Variants in TRIM14 observed in about 807,000 individuals in gnomAD.
TRIM14 encodes the protein tripartite motif containing 14, also known as tripartite motif-containing protein 14.
TRIM14 carries 28 observed loss-of-function variants against 44.5 expected under a neutral mutation model. The observed-to-expected ratio is 0.63, with a 90% CI of 0.47 to 0.86. The LOEUF (loss-of-function observed/expected upper bound fraction) is 0.86, where lower values mean the gene tolerates loss of function less well. TRIM14 is among the 40% of genes least tolerant of loss of function. The pLI is 0.00. For missense variants in TRIM14, 607 were observed against 611.1 expected (o/e 0.99, Z 0.07); for synonymous variants, 299 against 269.2 (o/e 1.11, Z -1.08).
chr9:98,088,113 A>C, intron 5 of TRIM14, 108 bp from the exon 6 acceptor site: 1 of 1,269,646 alleles, frequency 7.9e-7, no homozygotes. Flanking sequence ...GAAGCGCGGA[A>C]ATGGCCCAAG....
In TRIM14 at chr9:98,094,903, T is replaced by A; in HGVS notation, c.664A>T (p.Thr222Ser). 1 of 1,614,190 alleles carries A rather than the reference T, an allele frequency of 6.2e-7. No individual in the cohort carries two copies. Among genetic ancestry groups the A allele is most frequent in the Non-Finnish European group, 8.5e-7 (1 of 1,180,022 alleles). The change falls in exon 4 of 6, where the codon ACA becomes TCA. Residue 222 changes from threonine (T) to serine (S), a missense_variant. Thr to Ser is a moderately conservative substitution (Grantham distance 58, BLOSUM62 1). Coordinates refer to ENST00000341469, the MANE Select transcript of TRIM14 (RefSeq NM_014788.4). ...CGAATGTCCAATGGCGTCTGTAATG[T>A]ACTCTCCACGGCTTCCACGAGGCCC... ...FKGLVEAVES[T>S]LQTPLDIRLK...
the TRIM14 span, among the ~76,000 whole-genome samples, chr9:98,047,010 T>G: frequency 2.6e-5 from 4 of 152,266 alleles, no homozygotes; most frequent in South Asian, 8.3e-4. Context: ...TGATTCAGTA[T>G]CACTGCAATG....
At chr9:98,108,806 C>T (rs1826723145) in intron 2 of TRIM14, among the ~76,000 whole-genome samples, 1 of 151,172 alleles carries the variant, frequency 6.6e-6, no homozygotes, top group South Asian at 2.1e-4. Context: ...GGCCTGGTCA[C>T]AGGAGAAACT....
chr9:98,043,012 GA>G, the TRIM14 span, among the ~76,000 whole-genome samples: 1 of 152,052 alleles, frequency 6.6e-6, no homozygotes, highest in Non-Finnish European at 1.5e-5. Context: ...TTTTAGTAGT[GA>G]AACATTGTGT....
chr9:98,057,073 T>C, the TRIM14 span: 2 of 1,222,968 alleles, frequency 1.6e-6, no homozygotes, highest in Non-Finnish European at 2.2e-6. Flanking sequence ...CAGTTCCGTT[T>C]TCGGAATCCT....
At chr9:98,064,546 G>A (rs796316745), downstream of TRIM14, among the ~76,000 whole-genome samples, 9 of 152,152 alleles carry the variant, frequency 5.9e-5, no homozygotes, top group African/African-American at 1.9e-4. Context: ...GTAAGCCACC[G>A]CACCCGCCCT....
At chr9:98,051,440 A>G in the TRIM14 span, among the ~76,000 whole-genome samples, 1 of 152,206 alleles carries the variant, frequency 6.6e-6, no homozygotes, top group Non-Finnish European at 1.5e-5. Flanking sequence ...GCCAGTAAGT[A>G]ATCTAGAGCA....
In TRIM14 at chr9:98,087,491, G is replaced by A; in HGVS notation, c.1308C>T (p.Ile436=). Reference sequence around the variant, plus strand: ...GCCCCTAGGGCAGCCGGGGGATGCTGATGGCCCCCTCCCAGAGCCGCAGGG... The same window carrying A: ...GCCCCTAGGGCAGCCGGGGGATGCTAATGGCCCCCTCCCAGAGCCGCAGGG... ...YPALRLWEGA[I]SIPRLP is the part of the protein sequence containing the mutation. The change falls in exon 6 of 6, where the codon ATC becomes ATT. Residue 436 remains isoleucine, a synonymous_variant. Transcript: ENST00000341469. 1.9e-6 allele frequency: 3 copies of A among 1,602,602 alleles called. No individual in the cohort carries two copies. The highest frequency in any genetic ancestry group is 2.6e-6 in the Non-Finnish European group (3 of 1,174,330).
intron 2 of TRIM14, among the ~76,000 whole-genome samples, chr9:98,105,434 C>G (rs1237948827): frequency 1.3e-5 from 2 of 152,160 alleles, no homozygotes; most frequent in Admixed American, 6.5e-5. Flanking sequence ...CAAAAATTAG[C>G]CAGGCACGGT....
At chr9:98,099,869 A>C in intron 3 of TRIM14, 62 bp downstream of exon 3, 1 of 1,467,822 alleles carries the variant, frequency 6.8e-7, no homozygotes, top group Non-Finnish European at 9.5e-7. Flanking sequence ...TCAATGCCAC[A>C]ATACTTGAGA....
the TRIM14 span, among the ~76,000 whole-genome samples, chr9:98,050,131 T>C: frequency 6.6e-6 from 1 of 152,250 alleles, no homozygotes; most frequent in Non-Finnish European, 1.5e-5. Context: ...TACATTTGAT[T>C]GGCCCAAACT....
chr9:98,100,687 T>C (rs1006871844), intron 2 of TRIM14, among the ~76,000 whole-genome samples: 47 of 152,242 alleles, frequency 3.1e-4, no homozygotes, highest in African/African-American at 1.0e-3. Flanking sequence ...GGCTCAAGCA[T>C]AGATAAGAGG....
the TRIM14 span, among the ~76,000 whole-genome samples, chr9:98,039,030 CAGAG>C: frequency 2.6e-5 from 4 of 151,510 alleles, no homozygotes; most frequent in East Asian, 1.9e-4. Flanking sequence ...AGCCTGGCGA[CAGAG>C]AGAGACTACG....
chr9:98,061,688 G>A, the TRIM14 span, among the ~76,000 whole-genome samples: 1 of 150,730 alleles, frequency 6.6e-6, no homozygotes, highest in Non-Finnish European at 1.5e-5. Flanking sequence ...GCTGAGGCAG[G>A]AGAATCGCTT....
intron 1 of TRIM14, among the ~76,000 whole-genome samples, chr9:98,113,113 CA>C (rs57908629): frequency 0.15 from 5,811 of 39,484 alleles, 208 homozygotes; most frequent in African/African-American, 0.35. Context: ...AACTCCATCT[CA>C]AAAAAAAAAA....
chr9:98,107,680 T>C (rs2118584203), intron 2 of TRIM14, among the ~76,000 whole-genome samples: 1 of 152,056 alleles, frequency 6.6e-6, no homozygotes, highest in South Asian at 2.1e-4. Flanking sequence ...TAGATTTTTT[T>C]TTTTAAGATG....
the TRIM14 span, chr9:98,056,930 G>A: frequency 1.3e-6 from 2 of 1,598,646 alleles, no homozygotes; most frequent in East Asian, 4.6e-5. Flanking sequence ...CGCATGATCC[G>A]CATGGCCAAG....
chr9:98,078,634 G>A (rs747715955), intron 6 of TRIM14, among the ~76,000 whole-genome samples: 1 of 151,902 alleles, frequency 6.6e-6, no homozygotes, highest in Non-Finnish European at 1.5e-5. Flanking sequence ...TCAGGAGTTC[G>A]AGACTAGCCT....
chr9:98,079,494 A>C (rs1829752833), downstream of TRIM14, among the ~76,000 whole-genome samples: 1 of 152,076 alleles, frequency 6.6e-6, no homozygotes, highest in Non-Finnish European at 1.5e-5. Context: ...GCCTTTTTGA[A>C]AACTGACATT....
Sources: allele counts gnomAD v4.1 joint callset (sites outside exome capture counted in the v4.1 genomes callset), GRCh38; gene constraint gnomAD v4.1.1; transcripts MANE v1.5; gene names NCBI Gene and HGNC (gene_info 2026-07-23, HGNC 2026-07-21).